GOT1: variants seen among roughly 807,000 people sequenced by gnomAD.
GOT1 encodes the protein glutamic-oxaloacetic transaminase 1, also known as aspartate aminotransferase, cytoplasmic.
Under a neutral mutation model 48.2 loss-of-function variants are expected in GOT1, and 25 were observed. The observed-to-expected ratio is 0.52, with a 90% CI of 0.38 to 0.72. The LOEUF is 0.72. Among genes scored for constraint, GOT1 ranks in the 30% least tolerant of loss-of-function variants. GOT1 has a pLI of 0.00. For synonymous variants in GOT1, 188 were observed against 193.8 expected, an observed-to-expected ratio of 0.97 and a Z score of 0.25; for missense variants, 380 against 520.1, an observed-to-expected ratio of 0.73 and a Z score of 2.62.
intron 2 of GOT1, among the ~76,000 whole-genome samples, chr10:99,410,461 C>T (rs934130936): frequency 3.3e-5 from 5 of 152,144 alleles, no homozygotes; most frequent in African/African-American, 7.2e-5. Context: ...CCTTTCTCTC[C>T]CACTACAGAA....
intron 8 of GOT1, among the ~76,000 whole-genome samples, chr10:99,401,246 G>A (rs771687385): frequency 2.0e-5 from 3 of 152,142 alleles, no homozygotes; most frequent in Admixed American, 6.5e-5. Context: ...CAGTCAAGAG[G>A]ACATCTACAG....
chr10:99,426,827 T>G (rs551049943), intron 1 of GOT1, among the ~76,000 whole-genome samples: 3 of 152,354 alleles, frequency 2.0e-5, no homozygotes, highest in African/African-American at 7.2e-5. Flanking sequence ...AGATTACAGG[T>G]GCAGTTTATT....
At chr10:99,408,638 GA>G (rs2032791969) in intron 2 of GOT1, among the ~76,000 whole-genome samples, 1 of 152,146 alleles carries the variant, frequency 6.6e-6, no homozygotes, top group South Asian at 2.1e-4. Flanking sequence ...AGAATCATTT[GA>G]ACCTGGGAGG....
intron 2 of GOT1, among the ~76,000 whole-genome samples, chr10:99,412,172 T>G (rs919038596): frequency 4.0e-5 from 6 of 151,846 alleles, no homozygotes. Flanking sequence ...GCCCAGTAGG[T>G]CTAGAGAACA....
intron 2 of GOT1, among the ~76,000 whole-genome samples, chr10:99,417,868 C>T (rs900527600): frequency 6.6e-6 from 1 of 151,760 alleles, no homozygotes; most frequent in Non-Finnish European, 1.5e-5. Flanking sequence ...CACTTGGACA[C>T]AGGAAGGAGA....
At chr10:99,414,557 C>G (rs1048692278) in intron 2 of GOT1, among the ~76,000 whole-genome samples, 1 of 152,082 alleles carries the variant, frequency 6.6e-6, no homozygotes, top group African/African-American at 2.4e-5. Flanking sequence ...ACAAGGATAT[C>G]CAGGAATTGA....
rs527974579 is a variant in GOT1, at chr10:99,404,648, C to T, written c.643-774G>A. ...GCTCCCACGGCCTGTCTAGTCTTGC[C>T]TCTCTCTGACCCATTCCCTGCTATG... On this transcript the variant is annotated intron_variant, in intron 5 of 8. Coordinates refer to ENST00000370508, the MANE Select transcript of GOT1 (RefSeq NM_002079.3). Among the ~76,000 whole-genome samples, 6 of 152,264 alleles carry T rather than the reference C, an allele frequency of 3.9e-5. No individual in the cohort carries two copies. In the East Asian group the frequency reaches 1.2e-3, roughly 29 times the overall value.
chr10:99,405,573 T>C (rs1380811139), intron 5 of GOT1, among the ~76,000 whole-genome samples, 183 bp downstream of exon 5: 1 of 151,048 alleles, frequency 6.6e-6, no homozygotes, highest in Non-Finnish European at 1.5e-5. Context: ...TGACATTCTA[T>C]CTACCAAAAC....
chr10:99,424,951 C>T (rs1471245637), intron 1 of GOT1, among the ~76,000 whole-genome samples: 1 of 152,154 alleles, frequency 6.6e-6, no homozygotes, highest in Non-Finnish European at 1.5e-5. Context: ...TTGTTGGACC[C>T]TTGAGTTTCT....
chr10:99,423,125 G>A (rs2032992724), intron 1 of GOT1, among the ~76,000 whole-genome samples: 2 of 152,186 alleles, frequency 1.3e-5, no homozygotes, highest in African/African-American at 4.8e-5. Context: ...CTGTTTAAGA[G>A]CGTTTGCTTC....
At chr10:99,423,864 C>T (rs1230229803) in intron 1 of GOT1, among the ~76,000 whole-genome samples, 1 of 151,894 alleles carries the variant, frequency 6.6e-6, no homozygotes, top group East Asian at 1.9e-4. Context: ...CTTTGTTGCC[C>T]AGGCTGGTCT....
intron 1 of GOT1, among the ~76,000 whole-genome samples, chr10:99,428,167 C>G (rs1028649524): frequency 1.3e-5 from 2 of 152,140 alleles, no homozygotes; most frequent in African/African-American, 4.8e-5. Context: ...TATTCAATAT[C>G]TTTTATGAGA....
rs2032954156 is a variant in GOT1 at position 99,420,670 on chromosome 10, G to A, written c.254C>T (p.Ser85Phe). ...GCTGTCATCCCCAAGGGCAAGACGA[G>A]AAGCACAGCTCCGGAACTCAGCCAG... is the stretch of plus-strand genomic sequence containing the variant. ...LGLAEFRSCA[S>F]RLALGDDSPA... Residue 85 changes from serine to phenylalanine, a missense_variant, in exon 2 of 9, where the codon TCT becomes TTT. Physicochemically the swap from Ser to Phe is radical, Grantham distance 155. Transcript: ENST00000370508. The A allele has an allele frequency of 6.2e-7, 1 of 1,614,068 alleles. No homozygotes were observed. The highest frequency in any genetic ancestry group is 8.5e-7 in the Non-Finnish European group (1 of 1,179,972).
At chr10:99,400,465 G>A (rs996296155) in intron 8 of GOT1, among the ~76,000 whole-genome samples, 1 of 151,764 alleles carries the variant, frequency 6.6e-6, no homozygotes, top group Non-Finnish European at 1.5e-5. Flanking sequence ...GAGCAATATG[G>A]TGAGACCCCG....
Position 99,397,419 on chromosome 10 carries a change from G to C in GOT1, c.*128C>G. On this transcript the variant is annotated 3_prime_UTR_variant, in exon 9 of 9. Transcript: ENST00000370508. This position sits in a 1 kb window ranked among gnomAD's most constrained non-coding sequence, Gnocchi z 5.4. Reference sequence around the variant, plus strand: ...TGTGGGGCCGGTTTAAACAGAGGCTGCCTCACCAGAGCAGCCTTTCAGTCC... The same window carrying C: ...TGTGGGGCCGGTTTAAACAGAGGCTCCCTCACCAGAGCAGCCTTTCAGTCC... 1 of 970,510 alleles carries C rather than the reference G, an allele frequency of 1.0e-6. No homozygotes were observed. 60.1% of individuals were successfully genotyped at this position (970,510 alleles called of 1,614,324 possible).
At chr10:99,415,477 G>C (rs868770728) in intron 2 of GOT1, among the ~76,000 whole-genome samples, 1 of 152,270 alleles carries the variant, frequency 6.6e-6, no homozygotes, top group Middle Eastern at 3.4e-3. Context: ...AAAAGTCCAG[G>C]ACCAGACGGA....
intron 2 of GOT1, among the ~76,000 whole-genome samples, chr10:99,419,618 C>T (rs2032941632): frequency 1.3e-5 from 2 of 152,216 alleles, no homozygotes; most frequent in South Asian, 2.1e-4. Context: ...AAAAAATATG[C>T]CCATGGGGGA....
At chr10:99,429,037 T>C (rs1482555942) in intron 1 of GOT1, among the ~76,000 whole-genome samples, 1 of 151,766 alleles carries the variant, frequency 6.6e-6, no homozygotes, top group Non-Finnish European at 1.5e-5. Flanking sequence ...CCCCTCCCCA[T>C]ACTCCTTAGT....
At chr10:99,426,376 C>T (rs558240687) in intron 1 of GOT1, among the ~76,000 whole-genome samples, 76 of 152,152 alleles carry the variant, frequency 5.0e-4, no homozygotes, top group Non-Finnish European at 9.3e-4. Context: ...CTCCTAAGAT[C>T]GCCACTTCCC....
Sources: allele counts gnomAD v4.1 joint callset (sites outside exome capture counted in the v4.1 genomes callset), GRCh38; gene constraint gnomAD v4.1.1; non-coding constraint Gnocchi (gnomAD v3.1); transcripts MANE v1.5; gene names NCBI Gene and HGNC (gene_info 2026-07-23, HGNC 2026-07-21).